APOL1: variants seen among roughly 807,000 people sequenced by gnomAD.
The protein encoded by APOL1 is apolipoprotein L 1.
APOL1 carries 17 observed loss-of-function variants against 14.9 expected under a neutral mutation model. That is an observed-to-expected ratio of 1.14 (90% CI 0.78 to 1.71). The LOEUF is 1.71. Among genes scored for constraint, APOL1 ranks in the 40% most tolerant of loss-of-function variants. APOL1 has a pLI of 0.00. For synonymous variants in APOL1, 195 were observed against 184.8 expected (o/e 1.05, Z -0.45); for missense variants, 523 against 485.9 (o/e 1.08, Z -0.72).
At position 36,265,405 on chromosome 22, in the gene APOL1, C is replaced by T. The variant is rs371826870; in HGVS notation, c.569C>T (p.Thr190Ile). 3 of 1,613,290 alleles carry T rather than the reference C, an allele frequency of 1.9e-6. No homozygotes were observed. Among genetic ancestry groups the T allele is most frequent in the Non-Finnish European group, 2.5e-6 (3 of 1,179,688 alleles). The change falls in exon 6 of 6, where the codon ACC (threonine) becomes ATC (isoleucine). Residue 190 changes from threonine to isoleucine, a missense_variant. By Grantham distance (89) the Thr-to-Ile change is moderately conservative. Transcript: ENST00000397278. Reference sequence around the variant, plus strand: ...CTCAGCATTTCCTCTGGCATCCTGACCCTCGTCGGCATGGGTCTGGCACCC... The same window carrying T: ...CTCAGCATTTCCTCTGGCATCCTGATCCTCGTCGGCATGGGTCTGGCACCC... ...GSLSISSGIL[T>I]LVGMGLAPFT...
At position 36,253,212 on chromosome 22, in the gene APOL1, A is replaced by G. The variant is rs1228105987; in HGVS notation, c.-27A>G. ...CTTGCTCAGTCTCTGCCAGGGGAAG[A>G]TTCCTTGGTAAGTTGGGGACAGTTG... On this transcript the variant is annotated 5_prime_UTR_variant, in exon 1 of 6. Coordinates refer to ENST00000397278, the MANE Select transcript of APOL1 (RefSeq NM_003661.4). The G allele has an allele frequency of 1.9e-5, 9 of 473,120 alleles. No homozygotes were observed. Among genetic ancestry groups the G allele is most frequent in the African/African-American group, 1.8e-4 (9 of 49,740 alleles). 29.3% of individuals were successfully genotyped at this position (473,120 alleles called of 1,614,324 possible). A position where few individuals can be genotyped will look rare whatever the true frequency, so the allele number is the denominator to read the frequency against.
chr22:36,260,033 G>C, intron 4 of APOL1: 2 of 898,466 alleles, frequency 2.2e-6, no homozygotes, highest in Non-Finnish European at 3.0e-6. Flanking sequence ...GTCAAATCCT[G>C]AGCTTCCTGC....
chr22:36,261,909 G>A (rs1224370706), intron 5 of APOL1, among the ~76,000 whole-genome samples, 187 bp downstream of exon 5: 1 of 152,224 alleles, frequency 6.6e-6, no homozygotes, highest in African/African-American at 2.4e-5. Context: ...GTAGCCTCAG[G>A]CTGAGGGGAT....
intron 5 of APOL1, among the ~76,000 whole-genome samples, chr22:36,264,374 A>G (rs1210512568): frequency 6.6e-6 from 1 of 152,190 alleles, no homozygotes; most frequent in Non-Finnish European, 1.5e-5. Flanking sequence ...CAGGCAGGAC[A>G]TTCCAGGGGC....
intron 4 of APOL1, among the ~76,000 whole-genome samples, chr22:36,259,430 T>A (rs2016003116): frequency 6.6e-6 from 1 of 152,132 alleles, no homozygotes; most frequent in South Asian, 2.1e-4. Flanking sequence ...TAAGCCCCAT[T>A]TCCTCAGGAG....
In APOL1 at chr22:36,265,401, C is replaced by T; in HGVS notation, c.565C>T (p.Leu189=). ...SGSLSISSGI[L]TLVGMGLAPF... Reference sequence around the variant, plus strand: ...CTCTCTCAGCATTTCCTCTGGCATCCTGACCCTCGTCGGCATGGGTCTGGC... The same window carrying T: ...CTCTCTCAGCATTTCCTCTGGCATCTTGACCCTCGTCGGCATGGGTCTGGC... Residue 189 remains leucine, a synonymous_variant, in exon 6 of 6, where the codon CTG becomes TTG. Transcript: ENST00000397278. The T allele has an allele frequency of 1.9e-6, 3 of 1,613,632 alleles. No individual in the cohort carries two copies. Among genetic ancestry groups the T allele is most frequent in the Non-Finnish European group, 2.5e-6 (3 of 1,179,748 alleles).
chr22:36,261,494 C>T (rs2016069417), intron 4 of APOL1, 102 bp from the exon 5 acceptor site: 1 of 1,309,216 alleles, frequency 7.6e-7, no homozygotes, highest in South Asian at 1.3e-5. Flanking sequence ...AGTCCCACAT[C>T]ACAGCTGTCC....
intron 4 of APOL1, among the ~76,000 whole-genome samples, chr22:36,260,471 A>G (rs2016043216): frequency 6.6e-6 from 1 of 152,268 alleles, no homozygotes; most frequent in South Asian, 2.1e-4. Context: ...GCACACACAA[A>G]TACATACTGG....
At chr22:36,257,277 T>C in intron 3 of APOL1, 42 bp from the exon 4 acceptor site, 1 of 1,607,946 alleles carries the variant, frequency 6.2e-7, no homozygotes. Context: ...TGTCCACTGG[T>C]GGCTCACATT....
intron 2 of APOL1, 45 bp downstream of exon 2, chr22:36,255,044 T>G (rs1183162973): frequency 9.5e-6 from 15 of 1,584,198 alleles, no homozygotes; most frequent in Non-Finnish European, 1.3e-5. Flanking sequence ...GGGCTCCCTG[T>G]CTGGGCTGCA....
Position 36,266,046 on chromosome 22 carries a change from G to A in APOL1, c.*13G>A. On this transcript the variant is annotated 3_prime_UTR_variant, in exon 6 of 6. Transcript: ENST00000397278. ...CCAAGAACTGTGACCACAGGGCAGG[G>A]CAGCCACCAGGAGAGATATGCCTGG... 1.3e-6 allele frequency: 2 copies of A among 1,586,366 alleles called. No individual in the cohort carries two copies. The highest frequency in any genetic ancestry group is 1.7e-6 in the Non-Finnish European group (2 of 1,166,762).
At chr22:36,254,265 T>C (rs2015784827) in intron 1 of APOL1, among the ~76,000 whole-genome samples, 1 of 152,076 alleles carries the variant, frequency 6.6e-6, no homozygotes, top group African/African-American at 2.4e-5. Flanking sequence ...ATCTGAGTCA[T>C]GGTCTTATTT....
At position 36,265,227 on chromosome 22, in the gene APOL1, G is replaced by A. The variant is rs199608929; in HGVS notation, c.391G>A (p.Asp131Asn). The change falls in exon 6 of 6, where the codon GAT (aspartate) becomes AAT (asparagine). Residue 131 changes from aspartate to asparagine, a missense_variant. Coordinates refer to ENST00000397278, the MANE Select transcript of APOL1 (RefSeq NM_003661.4). Reference protein sequence around the residue: ...QMIMKDKNWHDKGQQYRNWFL... With the variant: ...QMIMKDKNWHNKGQQYRNWFL... ...GATCATGAAAGACAAAAACTGGCAC[G>A]ATAAAGGCCAGCAGTACAGAAACTG... The A allele has an allele frequency of 1.4e-5, 22 of 1,614,036 alleles. No individual in the cohort carries two copies. The African/African-American group carries it at 1.5e-4, about 11-fold the overall frequency.
intron 5 of APOL1, among the ~76,000 whole-genome samples, chr22:36,263,010 G>A (rs529311127): frequency 6.6e-6 from 1 of 152,316 alleles, no homozygotes; most frequent in African/African-American, 2.4e-5. Context: ...ATTTATATAG[G>A]TGGTTCTGAA....
chr22:36,257,048 C>G (rs1441748768), intron 2 of APOL1, 35 bp from the exon 3 acceptor site: 26 of 1,608,702 alleles, frequency 1.6e-5, no homozygotes, highest in Non-Finnish European at 2.1e-5. Context: ...GATGGCTGCC[C>G]GTCCTCTGAT....
chr22:36,263,181 G>T (rs2016129592), intron 5 of APOL1, among the ~76,000 whole-genome samples: 1 of 152,182 alleles, frequency 6.6e-6, no homozygotes, highest in African/African-American at 2.4e-5. Context: ...CAGTAAGGTG[G>T]CTGGAGCGTC....
intron 5 of APOL1, among the ~76,000 whole-genome samples, chr22:36,264,506 T>C (rs1190451304): frequency 6.6e-6 from 1 of 152,198 alleles, no homozygotes; most frequent in Non-Finnish European, 1.5e-5. Context: ...CTGCTCTTTG[T>C]TCATCTGCAG....
chr22:36,255,082 G>A, intron 2 of APOL1, 83 bp downstream of exon 2: 6 of 1,474,902 alleles, frequency 4.1e-6, no homozygotes, highest in Non-Finnish European at 5.7e-6. Flanking sequence ...GGCTGGGCCA[G>A]GGCCATCTGG....
chr22:36,253,918 T>C (rs768552161), intron 1 of APOL1: 14 of 1,613,346 alleles, frequency 8.7e-6, no homozygotes, highest in Non-Finnish European at 1.2e-5. Context: ...GTGAGAAGGG[T>C]GCGTTGCAGA....
Sources: gnomAD v4.1 joint callset for allele counts (sites outside exome capture counted in the v4.1 genomes callset) on GRCh38, gnomAD v4.1.1 for gene constraint, MANE v1.5 for transcripts, NCBI Gene and HGNC (gene_info 2026-07-23, HGNC 2026-07-21) for gene names.